NRP2: variants seen among roughly 807,000 people sequenced by gnomAD.
NRP2 encodes the protein neuropilin-2.
A neutral mutation model predicts 110.4 loss-of-function variants in NRP2; 52 were observed. The ratio of observed to expected loss-of-function variants is 0.47; its 90% CI spans 0.38 to 0.59. The LOEUF (loss-of-function observed/expected upper bound fraction) is 0.59. NRP2 is among the 20% of genes least tolerant of loss of function. NRP2 has a pLI of 0.00. For synonymous variants in NRP2, 508 were observed against 468.9 expected, an observed-to-expected ratio of 1.08 and a Z score of -1.08; for missense variants, 1,049 against 1,203.0, an observed-to-expected ratio of 0.87 and a Z score of 1.89.
chr2:205,776,800 A>C, intron 15 of NRP2: 3 of 1,345,530 alleles, frequency 2.2e-6, no homozygotes, highest in Non-Finnish European at 2.9e-6. Context: ...ACCCCCAAGC[A>C]CTCCACAACT....
chr2:205,766,642 T>C (rs2057923036), intron 14 of NRP2, 141 bp from the exon 15 acceptor site: 1 of 740,408 alleles, frequency 1.4e-6, no homozygotes, highest in African/African-American at 1.8e-5. Flanking sequence ...ATGTGGAAGA[T>C]GGGGGGCCCT....
At chr2:205,756,286 T>C (rs562711314) in intron 12 of NRP2, among the ~76,000 whole-genome samples, 1 of 152,278 alleles carries the variant, frequency 6.6e-6, no homozygotes, top group South Asian at 2.1e-4. Flanking sequence ...AGAGGCCACT[T>C]TGGCTTTCCT....
intron 2 of NRP2, among the ~76,000 whole-genome samples, chr2:205,706,926 C>A (rs76983541): frequency 2.9e-4 from 44 of 152,310 alleles, no homozygotes; most frequent in Non-Finnish European, 5.1e-4. Context: ...AAGCTCTGTG[C>A]GCAAAACAAA....
intron 12 of NRP2, chr2:205,760,735 G>A (rs2057807651): frequency 6.6e-6 from 1 of 152,118 alleles, no homozygotes; most frequent in African/African-American, 2.4e-5. Context: ...AGGGTAAGTA[G>A]AACAGACCCA....
chr2:205,723,641 C>G (rs1006141466), intron 4 of NRP2, 144 bp from the exon 5 acceptor site: 10 of 842,944 alleles, frequency 1.2e-5, no homozygotes, highest in Non-Finnish European at 1.9e-5. Context: ...AGCCATTGTT[C>G]TTGAAACATA....
intron 14 of NRP2, chr2:205,765,788 C>A: frequency 2.9e-6 from 2 of 685,332 alleles, no homozygotes; most frequent in Non-Finnish European, 5.4e-6. Context: ...TCCCTGTTCC[C>A]AATCAGAAAT....
intron 12 of NRP2, among the ~76,000 whole-genome samples, chr2:205,753,957 T>A (rs542408200): frequency 6.6e-6 from 1 of 152,344 alleles, no homozygotes; most frequent in African/African-American, 2.4e-5. Flanking sequence ...TTTGAGGATT[T>A]GTTACCTTTG....
rs1355586835 is a variant in NRP2, at chr2:205,725,078, G to A, written c.821-835G>A. 3.3e-5 allele frequency among the ~76,000 whole-genome samples: 5 copies of A among 152,160 alleles called. No individual in the cohort carries two copies. The highest frequency in any genetic ancestry group is 5.9e-5 in the Non-Finnish European group (4 of 68,030). On this transcript the variant is annotated intron_variant, in intron 5 of 16. Coordinates refer to ENST00000357785, the MANE Select transcript of NRP2 (RefSeq NM_003872.3). The surrounding 1 kb of genome is among the most constrained non-coding windows in gnomAD (Gnocchi z 4.1). ...TATATAACTACAGACACGGCAGCCT[G>A]GCCTGCAGGAAGGTTGCTGGGTTTT... is the stretch of plus-strand genomic sequence containing the variant.
chr2:205,749,776 C>G lies in NRP2; in HGVS notation c.1838C>G (p.Thr613Arg). ...TLGPTVKSEETTTPYPTEEEA... is the reference protein window; with the variant it reads ...TLGPTVKSEERTTPYPTEEEA... ...GGACCCACTGTGAAGAGCGAAGAGA[C>G]AACCACCCCCTACCCCACCGAAGAG... The change falls in exon 11 of 17, where the codon ACA becomes AGA. Residue 613 changes from threonine to arginine, a missense_variant. By Grantham distance (71) the Thr-to-Arg change is moderately conservative (BLOSUM62 -1). Transcript: ENST00000357785. 2 of 1,614,176 alleles carry G rather than the reference C, an allele frequency of 1.2e-6. No homozygotes were observed. Among genetic ancestry groups the G allele is most frequent in the Non-Finnish European group, 1.7e-6 (2 of 1,180,016 alleles).
At chr2:205,708,912 C>A (rs849548) in intron 2 of NRP2, among the ~76,000 whole-genome samples, 146,056 of 152,328 alleles carry the variant, frequency 0.96, 70,298 homozygotes, top group East Asian at 1. Flanking sequence ...ATGCAGATAC[C>A]CAAACAAATA....
chr2:205,705,625 C>G (rs2056658991), intron 2 of NRP2, among the ~76,000 whole-genome samples: 1 of 152,152 alleles, frequency 6.6e-6, no homozygotes, highest in Non-Finnish European at 1.5e-5. Flanking sequence ...TGAACTCTTG[C>G]CAGACATCAG....
chr2:205,740,272 G>A (rs2057416740), intron 7 of NRP2, among the ~76,000 whole-genome samples: 1 of 152,098 alleles, frequency 6.6e-6, no homozygotes, highest in Non-Finnish European at 1.5e-5. Context: ...CAGCCTGGAG[G>A]CAAAATTTTC....
chr2:205,729,948 G>GT (rs2057204236), intron 7 of NRP2, among the ~76,000 whole-genome samples: 1 of 151,444 alleles, frequency 6.6e-6, no homozygotes, highest in Admixed American at 6.6e-5. Flanking sequence ...GAGTTTTTTT[G>GT]TTTTTGTTTT....
In NRP2 at chr2:205,763,714, A is replaced by G. The variant is rs1228971159; in HGVS notation, c.2085A>G (p.Arg695=). Residue 695 remains arginine (R), a synonymous_variant, in exon 13 of 17, where the codon AGA becomes AGG. Coordinates refer to ENST00000357785, the MANE Select transcript of NRP2 (RefSeq NM_003872.3). The surrounding 1 kb of genome is among the most constrained non-coding windows in gnomAD (Gnocchi z 4.0). ...NFLRLQSDSQ[R]EGQYARLISP... ...TGCGGCTGCAGAGTGACAGCCAGAG[A>G]GAGGGCCAGTATGCCCGGCTCATCA... 6.2e-7 allele frequency: 1 copy of G among 1,614,222 alleles called. No homozygotes were observed. The highest frequency in any genetic ancestry group is 1.7e-5 in the Admixed American group (1 of 60,024).
rs142151813 is a variant in NRP2 at position 205,697,486 on chromosome 2, G to T, written c.74-58G>T. The stretch of plus-strand genomic sequence containing the variant: ...GGTACAGAAGAGAAGGAGGGAGTGT[G>T]GGGGGAAGAAAGTTGTAACATATTT... On this transcript the variant is annotated intron_variant, in intron 1 of 16. Transcript: ENST00000357785. 1.4e-4 allele frequency: 208 copies of T among 1,468,970 alleles called. No individual in the cohort carries two copies. The East Asian group carries it at 4.2e-3, about 29-fold the overall frequency. The allele number at this position is 1,468,970 out of a possible 1,614,324, so 91.0% of individuals were successfully genotyped here. A position where few individuals can be genotyped will look rare whatever the true frequency, so the allele number is the denominator to read the frequency against.
chr2:205,778,799 T>C (rs1463875723), intron 15 of NRP2: 1 of 152,214 alleles, frequency 6.6e-6, no homozygotes, highest in Non-Finnish European at 1.5e-5. Flanking sequence ...ATCATCTTTA[T>C]GTACATGCCT....
intron 15 of NRP2, among the ~76,000 whole-genome samples, chr2:205,781,027 A>T (rs2058168095): frequency 6.6e-6 from 1 of 152,234 alleles, no homozygotes; most frequent in Non-Finnish European, 1.5e-5. Flanking sequence ...AAAATATCTC[A>T]AAAGTGTTGA....
intron 2 of NRP2, among the ~76,000 whole-genome samples, chr2:205,708,047 A>G (rs1434656201): frequency 6.6e-6 from 1 of 152,216 alleles, no homozygotes; most frequent in Non-Finnish European, 1.5e-5. Context: ...TCACCTTTAC[A>G]CCTGCTAGTG....
chr2:205,765,773 T>A (rs1237562010), intron 14 of NRP2: 1 of 712,638 alleles, frequency 1.4e-6, no homozygotes, highest in African/African-American at 1.7e-5. Flanking sequence ...AGGGGACGGC[T>A]TATATCCCTG....
Sources: gnomAD v4.1 joint callset for allele counts (sites outside exome capture counted in the v4.1 genomes callset) on GRCh38, gnomAD v4.1.1 for gene constraint, Gnocchi (gnomAD v3.1) non-coding constraint, MANE v1.5 for transcripts, NCBI Gene and HGNC (gene_info 2026-07-23, HGNC 2026-07-21) for gene names.